RBKS: variants seen among roughly 807,000 people sequenced by gnomAD.
The protein encoded by RBKS is ribokinase.
RBKS carries 33 observed loss-of-function variants against 33.9 expected under a neutral mutation model. The ratio of observed to expected loss-of-function variants is 0.97; its 90% CI spans 0.74 to 1.30. RBKS has a LOEUF of 1.30. RBKS is among the 50% of genes most tolerant of loss of function. The pLI is 0.00. For missense variants in RBKS, 361 were observed against 392.6 expected, an observed-to-expected ratio of 0.92 and a Z score of 0.68; for synonymous variants, 125 against 143.0, an observed-to-expected ratio of 0.87 and a Z score of 0.90.
At chr2:27,838,937 C>T (rs939455727) in intron 5 of RBKS, among the ~76,000 whole-genome samples, 4 of 152,122 alleles carry the variant, frequency 2.6e-5, no homozygotes, top group African/African-American at 9.7e-5. Flanking sequence ...GTTGTATAGG[C>T]TAAAAGGCAG....
chr2:27,878,300 G>A (rs1273012212), intron 1 of RBKS, among the ~76,000 whole-genome samples: 3 of 151,628 alleles, frequency 2.0e-5, no homozygotes, highest in East Asian at 3.9e-4. Context: ...TTGTTCTTGC[G>A]ATAGTTTACT....
intron 1 of RBKS, among the ~76,000 whole-genome samples, chr2:27,868,544 AAC>A: frequency 1.3e-5 from 2 of 152,346 alleles, no homozygotes; most frequent in East Asian, 3.9e-4. Context: ...CAATACATAA[AAC>A]ACACAAATAT....
rs745965464 is a variant in RBKS at position 27,843,213 on chromosome 2, A to G, written c.368T>C (p.Ile123Thr). 11 of 1,610,280 alleles carry G rather than the reference A, an allele frequency of 6.8e-6. No homozygotes were observed. The highest frequency in any genetic ancestry group is 1.7e-5 in the Admixed American group (1 of 59,296). Reference protein sequence around the residue: ...VNNEGQNIIVIVAGANLLLNT... With the variant: ...VNNEGQNIIVTVAGANLLLNT... ...CAAAAGTAAATTTGCTCCAGCCACTATGACAATGATATTCTGGCCTATAAA... is the reference window on the plus strand; with the variant it reads ...CAAAAGTAAATTTGCTCCAGCCACTGTGACAATGATATTCTGGCCTATAAA... Residue 123 changes from isoleucine (I) to threonine (T), a missense_variant, in exon 5 of 8, where the codon ATA becomes ACA. Transcript: ENST00000302188.
At chr2:27,854,481 C>T (rs1457259837) in intron 2 of RBKS, among the ~76,000 whole-genome samples, 1 of 152,182 alleles carries the variant, frequency 6.6e-6, no homozygotes, top group East Asian at 1.9e-4. Context: ...GGAAAGTGAC[C>T]TCTAGTTGCT....
chr2:27,804,819 C>T (rs1558537319), intron 7 of RBKS, among the ~76,000 whole-genome samples: 2 of 152,080 alleles, frequency 1.3e-5, no homozygotes, highest in Admixed American at 6.5e-5. Flanking sequence ...CCAAGGCCGG[C>T]GGATTGCTTG....
chr2:27,883,693 A>G (rs1292654477), intron 1 of RBKS, among the ~76,000 whole-genome samples: 1 of 152,030 alleles, frequency 6.6e-6, no homozygotes, highest in African/African-American at 2.4e-5. Flanking sequence ...TTGTAATAGT[A>G]CACAGTAGGT....
intron 7 of RBKS, among the ~76,000 whole-genome samples, chr2:27,806,109 T>C (rs1176465751): frequency 6.6e-6 from 1 of 151,624 alleles, no homozygotes; most frequent in Non-Finnish European, 1.5e-5. Context: ...GTCTCAAACA[T>C]CTGGGCTCAA....
At chr2:27,849,115 TA>T (rs1378781246) in intron 2 of RBKS, among the ~76,000 whole-genome samples, 1 of 152,198 alleles carries the variant, frequency 6.6e-6, no homozygotes, top group Admixed American at 6.5e-5. Context: ...AGACTCCTAA[TA>T]GCCTAATGGA....
intron 7 of RBKS, among the ~76,000 whole-genome samples, chr2:27,806,099 G>T (rs1274861934): frequency 2.0e-5 from 3 of 151,842 alleles, no homozygotes; most frequent in Non-Finnish European, 4.4e-5. Context: ...GCCCACGCTG[G>T]TCTCAAACAT....
chr2:27,875,637 T>C (rs931126125), intron 1 of RBKS, among the ~76,000 whole-genome samples: 5 of 152,216 alleles, frequency 3.3e-5, no homozygotes, highest in Non-Finnish European at 7.3e-5. Context: ...GAAACAGACA[T>C]GAGTCCAAAA....
intron 6 of RBKS, among the ~76,000 whole-genome samples, chr2:27,831,602 A>C (rs918805965): frequency 1.3e-5 from 2 of 152,326 alleles, no homozygotes; most frequent in South Asian, 2.1e-4. Flanking sequence ...TTATCAAGAA[A>C]GCAGGTCAAG....
intron 1 of RBKS, among the ~76,000 whole-genome samples, chr2:27,881,431 C>T (rs1435995955): frequency 1.3e-5 from 2 of 151,768 alleles, no homozygotes; most frequent in Admixed American, 1.3e-4. Context: ...GTCCCAGTTA[C>T]TCGGGAGGCT....
At chr2:27,818,472 GAGAC>G (rs1164250589) in intron 7 of RBKS, among the ~76,000 whole-genome samples, 9 of 152,156 alleles carry the variant, frequency 5.9e-5, no homozygotes, top group Non-Finnish European at 1.0e-4. Context: ...ATGGGTGTTG[GAGAC>G]AGACAGACAG....
chr2:27,812,614 A>G (rs530912283), intron 7 of RBKS, among the ~76,000 whole-genome samples: 9 of 152,350 alleles, frequency 5.9e-5, no homozygotes, highest in African/African-American at 2.2e-4. Context: ...AGGACAAAAA[A>G]CCAAACACCG....
intron 1 of RBKS, among the ~76,000 whole-genome samples, chr2:27,860,875 C>A (rs903535457): frequency 6.6e-6 from 1 of 152,176 alleles, no homozygotes; most frequent in East Asian, 1.9e-4. Context: ...CCATTTTATG[C>A]AATGTGTCTG....
intron 1 of RBKS, among the ~76,000 whole-genome samples, chr2:27,865,717 T>A (rs997223250): frequency 6.6e-6 from 1 of 151,910 alleles, no homozygotes; most frequent in African/African-American, 2.4e-5. Context: ...CCTGGCTGAT[T>A]TTTTCCCCTA....
intron 1 of RBKS, among the ~76,000 whole-genome samples, chr2:27,878,727 C>G (rs1173763436): frequency 6.6e-6 from 1 of 152,164 alleles, no homozygotes; most frequent in African/African-American, 2.4e-5. Context: ...GCCATTCTAA[C>G]TGGTGTGAGA....
At chr2:27,809,989 A>G in intron 7 of RBKS, 1 of 1,304,250 alleles carries the variant, frequency 7.7e-7, no homozygotes, top group African/African-American at 1.5e-5. Context: ...GTTATTTATA[A>G]TGTTTCTGCT....
At chr2:27,819,273 T>G (rs947902470) in intron 7 of RBKS, among the ~76,000 whole-genome samples, 1 of 151,950 alleles carries the variant, frequency 6.6e-6, no homozygotes, top group East Asian at 1.9e-4. Flanking sequence ...ACATGACTCT[T>G]TGTGTGCACA....
Sources: gnomAD v4.1 joint callset for allele counts (sites outside exome capture counted in the v4.1 genomes callset) on GRCh38, gnomAD v4.1.1 for gene constraint, MANE v1.5 for transcripts, NCBI Gene and HGNC (gene_info 2026-07-23, HGNC 2026-07-21) for gene names.